NRK: variants seen among roughly 807,000 people sequenced by gnomAD.
The protein encoded by NRK is Nik related kinase.
NRK carries 67 observed loss-of-function variants against 125.2 expected under a neutral mutation model. That is an observed-to-expected ratio of 0.54 (90% CI 0.44 to 0.66). NRK has a LOEUF of 0.66. Among genes scored for constraint, NRK ranks in the 30% least tolerant of loss-of-function variants. The probability of loss-of-function intolerance (pLI) is 0.00; values close to 1 mark genes in which losing one functional copy is unlikely to be tolerated. For synonymous variants in NRK, 458 were observed against 429.0 expected (o/e 1.07, Z -0.84); for missense variants, 1,224 against 1,192.9 (o/e 1.03, Z -0.38).
chrX:105,919,002 GAAAAAA>G (rs57376881), intron 16 of NRK, among the ~76,000 whole-genome samples: 1 of 39,490 alleles, frequency 2.5e-5, no homozygotes, highest in Non-Finnish European at 4.8e-5. Flanking sequence ...ATGGTTTCCT[GAAAAAA>G]AAAAAAAAAA....
chrX:105,930,190 G>T (rs1179397646), intron 19 of NRK, among the ~76,000 whole-genome samples: 3 of 110,673 alleles, frequency 2.7e-5, no homozygotes, highest in African/African-American at 9.8e-5. Flanking sequence ...TCATCCTTCT[G>T]GAACCCCCAT....
In NRK at chrX:105,927,362, T is replaced by G. The variant is rs765005832; in HGVS notation, c.3312+2331T>G. 2.7e-5 allele frequency among the ~76,000 whole-genome samples: 3 copies of G among 111,842 alleles called. No individual in the cohort carries two copies. In the East Asian group the frequency reaches 8.4e-4, roughly 31 times the overall value. On this transcript the variant is annotated intron_variant, in intron 19 of 28. Transcript: ENST00000243300. ...CAACTTTACTGAATTTGTTCATCAATTCTAAGAATTTTTTGGTAGTGTCAA... is the reference window on the plus strand; with the variant it reads ...CAACTTTACTGAATTTGTTCATCAAGTCTAAGAATTTTTTGGTAGTGTCAA...
intron 27 of NRK, among the ~76,000 whole-genome samples, chrX:105,952,470 C>T (rs1006452244): frequency 9.8e-5 from 11 of 112,053 alleles, no homozygotes; most frequent in Non-Finnish European, 1.9e-4. Flanking sequence ...ATAAATATTT[C>T]CTGAGCAGGA....
Position 105,888,290 on chromosome X carries a change from A to G in NRK, c.253-4A>G, listed in dbSNP as rs201630093. 6.7e-5 allele frequency: 80 copies of G among 1,189,712 alleles called. No individual in the cohort carries two copies. The highest frequency in any genetic ancestry group is 7.5e-5 in the Non-Finnish European group (66 of 883,478). ...GAGCTTTGCTGTCTATTCTTATTCC[A>G]TAGGATGAGGAAGAGGATCTCAGGA... On this transcript the variant is annotated splice_polypyrimidine_tract_variant and splice_region_variant and intron_variant, in intron 4 of 28. Transcript: ENST00000243300.
chrX:105,839,857 G>GGAA (rs769554683), intron 2 of NRK, among the ~76,000 whole-genome samples: 20 of 111,397 alleles, frequency 1.8e-4, no homozygotes, highest in African/African-American at 6.5e-4. Context: ...AATGAAAAGA[G>GGAA]GAAATTGGGA....
chrX:105,866,922 G>C (rs1242160688), intron 2 of NRK, among the ~76,000 whole-genome samples: 1 of 109,747 alleles, frequency 9.1e-6, no homozygotes, highest in Non-Finnish European at 1.9e-5. Context: ...CAAGTTCTTT[G>C]GTAGCCCTAG....
rs2039037005 is a variant in NRK, at chrX:105,822,699, T to C, written c.-147T>C. On this transcript the variant is annotated 5_prime_UTR_variant, in exon 1 of 29. Coordinates refer to ENST00000243300, the MANE Select transcript of NRK (RefSeq NM_198465.4). ...TTCACTACACGTTTCCCCTCCTCTA[T>C]CTCCCACGCCACGAACCCCGATCCC... 1 of 576,769 alleles carries C rather than the reference T, an allele frequency of 1.7e-6. No individual in the cohort carries two copies. Among genetic ancestry groups the C allele is most frequent in the East Asian group, 3.6e-5 (1 of 27,557 alleles). 47.5% of individuals were successfully genotyped at this position (576,769 alleles called of 1,213,427 possible).
At chrX:105,886,519 T>A (rs1291896591) in intron 4 of NRK, among the ~76,000 whole-genome samples, 1 of 103,858 alleles carries the variant, frequency 9.6e-6, no homozygotes, top group East Asian at 2.9e-4. Context: ...TAATTATATA[T>A]ATATACGTGT....
chrX:105,953,350 G>A (rs1454784603), intron 28 of NRK, among the ~76,000 whole-genome samples, 177 bp downstream of exon 28: 1 of 111,667 alleles, frequency 9.0e-6, no homozygotes, highest in Admixed American at 9.5e-5. Context: ...ACGCTAATTT[G>A]GTAAGTGATG....
intron 2 of NRK, among the ~76,000 whole-genome samples, chrX:105,847,242 A>G (rs1376936915): frequency 1.8e-5 from 2 of 112,329 alleles, no homozygotes; most frequent in African/African-American, 6.5e-5. Flanking sequence ...TTCCAGTACC[A>G]TTATTGTTTT....
At chrX:105,874,657 C>A (rs768400911) in intron 2 of NRK, among the ~76,000 whole-genome samples, 1 of 112,029 alleles carries the variant, frequency 8.9e-6, no homozygotes, top group African/African-American at 3.2e-5. Flanking sequence ...TACCTCTTAA[C>A]AATGCCCTGT....
chrX:105,833,866 C>CA (rs938019989), intron 2 of NRK, among the ~76,000 whole-genome samples: 1 of 111,254 alleles, frequency 9.0e-6, no homozygotes, highest in African/African-American at 3.3e-5. Context: ...TGTGGTTTCC[C>CA]AACTGGTGTA....
At chrX:105,933,951 A>T (rs201208702) in intron 19 of NRK, among the ~76,000 whole-genome samples, 9 of 111,859 alleles carry the variant, frequency 8.0e-5, no homozygotes, top group Non-Finnish European at 1.7e-4. Flanking sequence ...ATTCACAAAG[A>T]TATCTAAATA....
Position 105,922,059 on chromosome X carries a change from C to A in NRK, c.2608C>A (p.His870Asn), listed in dbSNP as rs759728587. Residue 870 changes from histidine to asparagine, a missense_variant and splice_region_variant, in exon 17 of 29, where the codon CAT (histidine) becomes AAT (asparagine). Physicochemically the swap from His to Asn is moderately conservative, Grantham distance 68. Transcript: ENST00000243300. ...TGATCAGAAGTTGCTGGTTGACATC[C>A]ATGTAAGTTTCCATCTTAACACATT... Reference protein sequence around the residue: ...TIDQKLLVDIHVPDGFKVGKI... With the variant: ...TIDQKLLVDINVPDGFKVGKI... 6.7e-6 allele frequency: 7 copies of A among 1,044,934 alleles called. No homozygotes were observed. The highest frequency in any genetic ancestry group is 2.3e-5 in the Admixed American group (1 of 44,431). 86.1% of individuals were successfully genotyped at this position (1,044,934 alleles called of 1,213,427 possible). A position where few individuals can be genotyped will look rare whatever the true frequency, so the allele number is the denominator to read the frequency against.
At chrX:105,892,258 T>A (rs892678583) in intron 5 of NRK, among the ~76,000 whole-genome samples, 2 of 111,628 alleles carry the variant, frequency 1.8e-5, no homozygotes, top group Non-Finnish European at 3.8e-5. Flanking sequence ...TAACAAACCT[T>A]AATTAAGCTG....
intron 15 of NRK, among the ~76,000 whole-genome samples, chrX:105,916,706 C>T (rs996092322): frequency 2.7e-5 from 3 of 111,274 alleles, no homozygotes; most frequent in Non-Finnish European, 5.7e-5. Flanking sequence ...TTGTCATGGT[C>T]GAACTGACCT....
At chrX:105,837,681 TTC>T (rs1379842772) in intron 2 of NRK, among the ~76,000 whole-genome samples, 30 of 111,504 alleles carry the variant, frequency 2.7e-4, no homozygotes, top group African/African-American at 9.1e-4. Context: ...AGTACTGGTC[TTC>T]TCTTTTTTGC....
intron 2 of NRK, among the ~76,000 whole-genome samples, chrX:105,842,835 T>C (rs749391758): frequency 4.8e-4 from 54 of 111,520 alleles, no homozygotes; most frequent in African/African-American, 1.5e-3. Flanking sequence ...AAAATTGTTC[T>C]TATATTGTTC....
intron 1 of NRK, among the ~76,000 whole-genome samples, chrX:105,830,243 G>T (rs2039169863): frequency 1.0e-5 from 1 of 95,818 alleles, no homozygotes; most frequent in Non-Finnish European, 2.0e-5. Context: ...GAATTCGGGA[G>T]GCAGAGGTTG....
Sources: gnomAD v4.1 joint callset for allele counts (sites outside exome capture counted in the v4.1 genomes callset) on GRCh38, gnomAD v4.1.1 for gene constraint, MANE v1.5 for transcripts, NCBI Gene and HGNC (gene_info 2026-07-23, HGNC 2026-07-21) for gene names.